DARS2: variants seen among roughly 807,000 people sequenced by gnomAD.
The protein encoded by DARS2 is aspartyl-tRNA synthetase 2, mitochondrial, also known as aspartate--tRNA ligase, mitochondrial.
In DARS2, 63 loss-of-function variants were observed where a neutral mutation model predicts 83.0. The ratio of observed to expected loss-of-function variants is 0.76; its 90% CI spans 0.62 to 0.94. The LOEUF is 0.94. DARS2 is among the 40% of genes least tolerant of loss of function. The pLI, the probability that DARS2 is intolerant of heterozygous loss-of-function variation, is 0.00. For missense variants in DARS2, 675 were observed against 774.4 expected, an observed-to-expected ratio of 0.87 and a Z score of 1.52; for synonymous variants, 250 against 269.3, an observed-to-expected ratio of 0.93 and a Z score of 0.70.
At chr1:173,836,175 G>A (rs925890628) in intron 7 of DARS2, among the ~76,000 whole-genome samples, 2 of 152,040 alleles carry the variant, frequency 1.3e-5, no homozygotes, top group Non-Finnish European at 2.9e-5. Flanking sequence ...AGTCCAGATT[G>A]TACCATTGCA....
Position 173,825,078 on chromosome 1 carries a change from C to G in DARS2, c.-152C>G, listed in dbSNP as rs1652421176. 6.2e-6 allele frequency: 7 copies of G among 1,128,954 alleles called. No individual in the cohort carries two copies. Among genetic ancestry groups the G allele is most frequent in the Non-Finnish European group, 5.2e-6 (4 of 770,294 alleles). 69.9% of individuals were successfully genotyped at this position (1,128,954 alleles called of 1,614,324 possible). ...TTTGTCTTGTTTCTAGACACGTGTACTCCAATGTTGTGCGGAGGAGGCCTT... is the reference window on the plus strand; with the variant it reads ...TTTGTCTTGTTTCTAGACACGTGTAGTCCAATGTTGTGCGGAGGAGGCCTT... On this transcript the variant is annotated 5_prime_UTR_variant, in exon 1 of 17. Transcript: ENST00000649689.
intron 3 of DARS2, among the ~76,000 whole-genome samples, chr1:173,830,257 A>T (rs1444664352): frequency 4.6e-5 from 7 of 152,184 alleles, no homozygotes; most frequent in Non-Finnish European, 1.0e-4. Flanking sequence ...TCTTTTAGGG[A>T]TCAACATCCA....
At chr1:173,830,074 CCT>C (rs140486928) in intron 3 of DARS2, among the ~76,000 whole-genome samples, 9,243 of 151,354 alleles carry the variant, frequency 0.061, 987 homozygotes, top group African/African-American at 0.21. Context: ...AGAGTGATAC[CCT>C]GTGTCAAAAA....
Position 173,831,523 on chromosome 1 carries a change from T to C in DARS2, c.397-12T>C. The C allele has an allele frequency of 6.2e-7, 1 of 1,601,104 alleles. No individual in the cohort carries two copies. Among genetic ancestry groups the C allele is most frequent in the Non-Finnish European group, 8.6e-7 (1 of 1,168,090 alleles). On this transcript the variant is annotated splice_polypyrimidine_tract_variant and intron_variant, in intron 4 of 16. Coordinates refer to ENST00000649689, the MANE Select transcript of DARS2 (RefSeq NM_018122.5). ...GAGTAATTTTTAAAACCCTTCCTTC[T>C]CACTCTCCAAGAAAATGCCAACAGG...
intron 8 of DARS2, among the ~76,000 whole-genome samples, chr1:173,837,852 C>T (rs1237377230): frequency 5.3e-5 from 8 of 152,036 alleles, no homozygotes; most frequent in Admixed American, 5.2e-4. Flanking sequence ...CGGCTCACTG[C>T]AACCTCCGCC....
chr1:173,841,441 A>G (rs1653206912), intron 11 of DARS2, among the ~76,000 whole-genome samples: 1 of 152,280 alleles, frequency 6.6e-6, no homozygotes, highest in East Asian at 1.9e-4. Flanking sequence ...TAAGTAGAGA[A>G]CAATAAAATT....
chr1:173,838,797 G>A lies in DARS2; in HGVS notation c.840+538G>A, dbSNP rs147772675. ...GTCTCCCAGGCTGGAGTGCAGTGGC[G>A]CGGTCTCAGCTCATTGCTGCCTCTG... is the stretch of plus-strand genomic sequence containing the variant. On this transcript the variant is annotated intron_variant, in intron 9 of 16. Coordinates refer to ENST00000649689, the MANE Select transcript of DARS2 (RefSeq NM_018122.5). Among the ~76,000 whole-genome samples, 532 of 152,024 alleles carry A rather than the reference G, an allele frequency of 3.5e-3. 4 individuals carry two copies. Among genetic ancestry groups the A allele is most frequent in the African/African-American group, 0.011 (455 of 41,454 alleles).
chr1:173,833,699 T>C (rs1015096114), intron 6 of DARS2, among the ~76,000 whole-genome samples, 200 bp downstream of exon 6: 6 of 152,218 alleles, frequency 3.9e-5, no homozygotes, highest in Non-Finnish European at 7.3e-5. Context: ...ATTACATTGA[T>C]TAATGTATTA....
chr1:173,844,445 C>T (rs189306609), intron 11 of DARS2, among the ~76,000 whole-genome samples: 21 of 151,784 alleles, frequency 1.4e-4, no homozygotes, highest in African/African-American at 5.1e-4. Flanking sequence ...CGAGGCTGGC[C>T]AATCACATGA....
chr1:173,835,546 C>A (rs1402099397), intron 7 of DARS2, among the ~76,000 whole-genome samples: 2 of 150,884 alleles, frequency 1.3e-5, no homozygotes, highest in African/African-American at 4.9e-5. Context: ...GTCTTAAAGA[C>A]CCTAAAGAAA....
At chr1:173,829,069 A>G (rs780143414) in intron 3 of DARS2, among the ~76,000 whole-genome samples, 9 of 152,140 alleles carry the variant, frequency 5.9e-5, no homozygotes, top group Non-Finnish European at 1.3e-4. Context: ...CTAATAGGGA[A>G]AAAAAAATCC....
At chr1:173,831,403 A>T (rs1652791492) in intron 4 of DARS2, 132 bp from the exon 5 acceptor site, 1 of 777,974 alleles carries the variant, frequency 1.3e-6, no homozygotes, top group Non-Finnish European at 2.3e-6. Flanking sequence ...ACAGACATGT[A>T]TGTTTTATAC....
Position 173,830,664 on chromosome 1 carries a change from C to A in DARS2, c.299C>A (p.Ala100Glu). 1 of 1,613,268 alleles carries A rather than the reference C, an allele frequency of 6.2e-7. No individual in the cohort carries two copies. Among genetic ancestry groups the A allele is most frequent in the Non-Finnish European group, 8.5e-7 (1 of 1,179,254 alleles). Reference sequence around the variant, plus strand: ...CTTTTCCCCCTTGTTCTGTAGTCGGCAGCCTCTGTGAAGAAGATTTTATGT... The same window carrying A: ...CTTTTCCCCCTTGTTCTGTAGTCGGAAGCCTCTGTGAAGAAGATTTTATGT... The part of the protein sequence containing the change: ...VQVIIPQDES[A>E]ASVKKILCEA... Residue 100 changes from alanine to glutamate, a missense_variant, in exon 4 of 17, where the codon GCA becomes GAA. Coordinates refer to ENST00000649689, the MANE Select transcript of DARS2 (RefSeq NM_018122.5).
chr1:173,846,181 T>C (rs1462566829), intron 12 of DARS2, among the ~76,000 whole-genome samples: 1 of 147,304 alleles, frequency 6.8e-6, no homozygotes, highest in African/African-American at 2.5e-5. Flanking sequence ...AATGCAAAAA[T>C]GTGCCGGGTG....
Position 173,825,026 on chromosome 1 carries a change from C to T in DARS2, c.-204C>T. On this transcript the variant is annotated 5_prime_UTR_variant, in exon 1 of 17. Transcript: ENST00000649689. ...AGAGGTCTTTCCCTTATCTCCACCC[C>T]AGCAAGCACCCCAGAGACCTTGGAG... 1 of 586,994 alleles carries T rather than the reference C, an allele frequency of 1.7e-6. No homozygotes were observed. Among genetic ancestry groups the T allele is most frequent in the South Asian group, 1.8e-5 (1 of 55,972 alleles). 36.4% of individuals were successfully genotyped at this position (586,994 alleles called of 1,614,324 possible). A position where few individuals can be genotyped will look rare whatever the true frequency, so the allele number is the denominator to read the frequency against.
intron 10 of DARS2, 46 bp downstream of exon 10, chr1:173,839,592 C>G: frequency 6.4e-7 from 1 of 1,573,834 alleles, no homozygotes; most frequent in Non-Finnish European, 8.7e-7. Context: ...AATAATCCTG[C>G]AGTCTTTTTA....
At position 173,833,516 on chromosome 1, in the gene DARS2, G is replaced by T. The variant is rs1652871426; in HGVS notation, c.616+17G>T. The T allele has an allele frequency of 6.2e-7, 1 of 1,614,066 alleles. No individual in the cohort carries two copies. The highest frequency in any genetic ancestry group is 8.5e-7 in the Non-Finnish European group (1 of 1,179,986). ...ATCTGCATGGTAAGAGAAATGCCTGGATGCTCTTTGGAGCTTTGTAGCATC... is the reference window on the plus strand; with the variant it reads ...ATCTGCATGGTAAGAGAAATGCCTGTATGCTCTTTGGAGCTTTGTAGCATC... On this transcript the variant is annotated intron_variant, in intron 6 of 16. Coordinates refer to ENST00000649689, the MANE Select transcript of DARS2 (RefSeq NM_018122.5).
At chr1:173,851,040 C>G (rs1034044298) in intron 13 of DARS2, among the ~76,000 whole-genome samples, 3 of 151,834 alleles carry the variant, frequency 2.0e-5, no homozygotes, top group East Asian at 4.0e-4. Context: ...GAGTTTGAGA[C>G]CAGCCTGTTC....
chr1:173,825,455 T>C (rs1652465519), intron 1 of DARS2, 99 bp downstream of exon 1: 1 of 135,562 alleles, frequency 7.4e-6, no homozygotes, highest in Non-Finnish European at 1.2e-5. Flanking sequence ...CCCCCATTAT[T>C]ATTATTATTA....
Sources: allele counts gnomAD v4.1 joint callset (sites outside exome capture counted in the v4.1 genomes callset), GRCh38; gene constraint gnomAD v4.1.1; transcripts MANE v1.5; gene names NCBI Gene and HGNC (gene_info 2026-07-23, HGNC 2026-07-21).